The following SPATS2 variants were observed in gnomAD, a reference collection of about 807,000 sequenced individuals.
SPATS2 encodes spermatogenesis-associated serine-rich protein 2.
Under a neutral mutation model 63.7 loss-of-function variants are expected in SPATS2, and 38 were observed. That is an observed-to-expected ratio of 0.60 (90% confidence interval 0.46 to 0.78). SPATS2 has a LOEUF of 0.78. Among genes scored for constraint, SPATS2 ranks in the 30% least tolerant of loss-of-function variants. SPATS2 has a pLI of 0.00. For missense variants in SPATS2, 588 were observed against 666.2 expected, an observed-to-expected ratio of 0.88 and a Z score of 1.29; for synonymous variants, 207 against 232.9, an observed-to-expected ratio of 0.89 and a Z score of 1.01.
rs4590957 is a variant in SPATS2, at chr12:49,460,887, C to A, written c.-126C>A. ...AGCAGAATTTCGAACAGCAGGATTTCGTATTTTTTGCTTCCAACTGCACAC... is the reference window on the plus strand; with the variant it reads ...AGCAGAATTTCGAACAGCAGGATTTAGTATTTTTTGCTTCCAACTGCACAC... On this transcript the variant is annotated 5_prime_UTR_variant, in exon 3 of 14. Coordinates refer to ENST00000552918, the MANE Select transcript of SPATS2 (RefSeq NM_023071.4). 1 of 945,836 alleles carries A rather than the reference C, an allele frequency of 1.1e-6. No individual in the cohort carries two copies. Among genetic ancestry groups the A allele is most frequent in the Non-Finnish European group, 1.6e-6 (1 of 616,480 alleles). 58.6% of individuals were successfully genotyped at this position (945,836 alleles called of 1,614,324 possible). A position where few individuals can be genotyped will look rare whatever the true frequency, so the allele number is the denominator to read the frequency against.
intron 1 of SPATS2, among the ~76,000 whole-genome samples, chr12:49,368,180 C>T (rs1943936366): frequency 6.6e-6 from 1 of 152,202 alleles, no homozygotes; most frequent in African/African-American, 2.4e-5. Context: ...TGATATTTTT[C>T]TCATAATTCA....
intron 2 of SPATS2, chr12:49,442,785 T>TAAAAAAAAAA (rs1945442679): frequency 6.4e-5 from 4 of 62,916 alleles, no homozygotes; most frequent in African/African-American, 1.7e-4. Flanking sequence ...CCATGTCTCC[T>TAAAAAAAAAA]TAAAAAAAAA....
At chr12:49,423,984 C>T (rs1945028633) in intron 2 of SPATS2, among the ~76,000 whole-genome samples, 1 of 152,138 alleles carries the variant, frequency 6.6e-6, no homozygotes, top group Admixed American at 6.6e-5. Context: ...GGGCAAATCA[C>T]TTGAGGTTAG....
intron 2 of SPATS2, among the ~76,000 whole-genome samples, chr12:49,382,220 AATCTGTTAC>A (rs1468521556): frequency 1.3e-5 from 2 of 152,234 alleles, no homozygotes; most frequent in Non-Finnish European, 2.9e-5. Context: ...TAGCCATTAA[AATCTGTTAC>A]ATCTGTTACA....
chr12:49,424,268 T>G (rs944939509), intron 2 of SPATS2, among the ~76,000 whole-genome samples: 2 of 152,138 alleles, frequency 1.3e-5, no homozygotes, highest in African/African-American at 2.4e-5. Context: ...TCAGTGATAC[T>G]CAGACCTTTG....
At chr12:49,473,986 G>A (rs1431048502) in intron 3 of SPATS2, among the ~76,000 whole-genome samples, 3 of 152,308 alleles carry the variant, frequency 2.0e-5, no homozygotes, top group South Asian at 4.1e-4. Context: ...AGGATTGAGA[G>A]GGGGTGTGAG....
intron 2 of SPATS2, among the ~76,000 whole-genome samples, chr12:49,423,196 G>A (rs1409906608): frequency 1.3e-5 from 2 of 151,332 alleles, no homozygotes; most frequent in Non-Finnish European, 2.9e-5. Flanking sequence ...GCAGTGGTGC[G>A]ATCTCGGCTC....
chr12:49,458,103 C>T (rs1945751577), intron 2 of SPATS2, among the ~76,000 whole-genome samples: 1 of 152,170 alleles, frequency 6.6e-6, no homozygotes, highest in Non-Finnish European at 1.5e-5. Context: ...TTCCTTCTTG[C>T]ATTGCATTTT....
intron 7 of SPATS2, among the ~76,000 whole-genome samples, chr12:49,496,309 C>T (rs1946462503): frequency 6.6e-6 from 1 of 152,136 alleles, no homozygotes; most frequent in Non-Finnish European, 1.5e-5. Context: ...GACCTGGTCT[C>T]TCTCTGTTGC....
At chr12:49,416,712 T>C (rs1944896034) in intron 2 of SPATS2, among the ~76,000 whole-genome samples, 1 of 152,060 alleles carries the variant, frequency 6.6e-6, no homozygotes, top group Admixed American at 6.6e-5. Context: ...CACGAACCCC[T>C]GACCTCAAAT....
chr12:49,496,518 G>A (rs934504460), intron 7 of SPATS2, among the ~76,000 whole-genome samples: 2 of 152,090 alleles, frequency 1.3e-5, no homozygotes, highest in Non-Finnish European at 2.9e-5. Context: ...TTGATTCCTT[G>A]TGCCAGACTT....
chr12:49,427,451 T>C (rs1293022398), intron 2 of SPATS2, among the ~76,000 whole-genome samples: 1 of 152,228 alleles, frequency 6.6e-6, no homozygotes, highest in African/African-American at 2.4e-5. Context: ...TTGGGTTGTT[T>C]CCATTTTCTT....
At chr12:49,515,823 A>G (rs1232278680) in intron 10 of SPATS2, among the ~76,000 whole-genome samples, 1 of 151,932 alleles carries the variant, frequency 6.6e-6, no homozygotes, top group Non-Finnish European at 1.5e-5. Flanking sequence ...CCTAGGCAAC[A>G]TAGTGAAACC....
chr12:49,388,214 C>CT (rs976741096), intron 2 of SPATS2, among the ~76,000 whole-genome samples: 16 of 152,042 alleles, frequency 1.1e-4, no homozygotes, highest in Non-Finnish European at 2.1e-4. Flanking sequence ...GCTTACTTTG[C>CT]TTTAAGTGTT....
rs976905015 is a variant in SPATS2, at chr12:49,453,261, C to A, written c.-243-7509C>A. ...CTCCATGTGGTTGTTTTTTCACATG[C>A]CTTTGGGTCACACTTTGCTGCATTT... On this transcript the variant is annotated intron_variant, in intron 2 of 13. Transcript: ENST00000552918. Among the ~76,000 whole-genome samples, 5 of 151,868 alleles carry A rather than the reference C, an allele frequency of 3.3e-5. No individual in the cohort carries two copies. In the South Asian group the frequency reaches 1.0e-3, roughly 32 times the overall value.
rs144657035 is a variant in SPATS2 at position 49,401,519 on chromosome 12, A to G, written c.-244+30229A>G. ...TACCCTCAACCATTTCTACTTTTCC[A>G]TATTATTTTGAAGCAATCCCAAACA... is the stretch of plus-strand genomic sequence containing the variant. On this transcript the variant is annotated intron_variant, in intron 2 of 13. Transcript: ENST00000552918. Among the ~76,000 whole-genome samples the G allele has an allele frequency of 4.4e-3, 676 of 152,248 alleles. 8 individuals are homozygous for G. Among genetic ancestry groups the G allele is most frequent in the East Asian group, 0.024 (123 of 5,176 alleles).
chr12:49,402,001 G>A (rs181567507), intron 2 of SPATS2, among the ~76,000 whole-genome samples: 1 of 152,318 alleles, frequency 6.6e-6, no homozygotes, highest in East Asian at 1.9e-4. Context: ...TTGTCTGACA[G>A]GGTCTCGCTC....
chr12:49,463,931 C>T (rs1447773160), intron 3 of SPATS2, among the ~76,000 whole-genome samples: 1 of 152,166 alleles, frequency 6.6e-6, no homozygotes, highest in Non-Finnish European at 1.5e-5. Flanking sequence ...CTATTGATTA[C>T]TCCAAGCCTA....
chr12:49,422,165 G>A (rs919682652), intron 2 of SPATS2, among the ~76,000 whole-genome samples: 1 of 152,102 alleles, frequency 6.6e-6, no homozygotes, highest in Non-Finnish European at 1.5e-5. Context: ...CATTCCTGAT[G>A]TTGATATAGC....
Sources: allele counts gnomAD v4.1 joint callset (sites outside exome capture counted in the v4.1 genomes callset), GRCh38; gene constraint gnomAD v4.1.1; transcripts MANE v1.5; gene names NCBI Gene and HGNC (gene_info 2026-07-23, HGNC 2026-07-21).